MKLN1: variants seen among roughly 807,000 people sequenced by gnomAD.
MKLN1 encodes muskelin.
Under a neutral mutation model 99.0 loss-of-function variants are expected in MKLN1, and 18 were observed. The ratio of observed to expected loss-of-function variants is 0.18; its 90% CI spans 0.13 to 0.27. MKLN1 has a LOEUF of 0.27. Ranked by LOEUF, MKLN1 falls within the 10% of genes least tolerant of loss-of-function variation. The pLI, the probability that MKLN1 is intolerant of heterozygous loss-of-function variation, is 1.00. For missense variants in MKLN1, 621 were observed against 875.9 expected (o/e 0.71, Z 3.67); for synonymous variants, 288 against 293.2 (o/e 0.98, Z 0.18).
chr7:131,155,549 T>A (rs1795950225), intron 2 of MKLN1, among the ~76,000 whole-genome samples: 1 of 152,200 alleles, frequency 6.6e-6, no homozygotes, highest in Admixed American at 6.6e-5. Flanking sequence ...TATGTGAAAC[T>A]TTATTTTCCA....
At chr7:131,296,946 C>T (rs548206243) in intron 3 of MKLN1, among the ~76,000 whole-genome samples, 58 of 152,184 alleles carry the variant, frequency 3.8e-4, no homozygotes, top group African/African-American at 1.3e-3. Context: ...ACTGTGTTGC[C>T]CAGGCTGATC....
At chr7:131,138,021 G>A (rs1795677384) in intron 1 of MKLN1, among the ~76,000 whole-genome samples, 1 of 150,824 alleles carries the variant, frequency 6.6e-6, no homozygotes, top group African/African-American at 2.4e-5. Flanking sequence ...CGCCTCCCGG[G>A]TTCAAGTGAT....
chr7:131,401,141 C>A (rs79668837), intron 6 of MKLN1, among the ~76,000 whole-genome samples: 2,150 of 152,202 alleles, frequency 0.014, 22 homozygotes, highest in Middle Eastern at 0.024. Context: ...CTCTGTCAAG[C>A]TTCTTGTAAT....
chr7:131,123,914 T>C (rs1795415549), intron 1 of MKLN1, among the ~76,000 whole-genome samples: 1 of 152,348 alleles, frequency 6.6e-6, no homozygotes, highest in African/African-American at 2.4e-5. Context: ...TAGTGACTGA[T>C]AAGTTCTGTG....
chr7:131,169,909 G>T (rs2043924), intron 2 of MKLN1, among the ~76,000 whole-genome samples: 136,913 of 152,220 alleles, frequency 0.9, 62,277 homozygotes, highest in East Asian at 0.97. Context: ...TTGTATGCCT[G>T]CTTTGGCTAA....
At chr7:131,353,083 A>C (rs1391238783) in intron 1 of MKLN1, among the ~76,000 whole-genome samples, 1 of 152,136 alleles carries the variant, frequency 6.6e-6, no homozygotes, top group Non-Finnish European at 1.5e-5. Context: ...TAAACATTGG[A>C]GTACAGGTTT....
chr7:131,194,007 T>TTG (rs1554535058), intron 2 of MKLN1, among the ~76,000 whole-genome samples: 55 of 134,988 alleles, frequency 4.1e-4, no homozygotes, highest in African/African-American at 7.6e-4. Context: ...TGTTTTGTTT[T>TTG]TTTTTTTTTT....
intron 3 of MKLN1, among the ~76,000 whole-genome samples, chr7:131,268,403 A>G (rs983763906): frequency 2.0e-5 from 3 of 152,198 alleles, no homozygotes; most frequent in African/African-American, 7.2e-5. Flanking sequence ...TGTTATAAGA[A>G]ATGACCTCCA....
At position 131,367,647 on chromosome 7, in the gene MKLN1, C is replaced by G. The variant is rs184860008; in HGVS notation, c.99-7777C>G. Among the ~76,000 whole-genome samples the G allele has an allele frequency of 1.8e-4, 28 of 152,290 alleles. No individual in the cohort carries two copies. In the East Asian group the frequency reaches 4.6e-3, roughly 25 times the overall value. The stretch of plus-strand genomic sequence containing the variant: ...CATCTGCTTCATTTTTATTATGCTA[C>G]TGACTGCCTTATTTCTCTTTTATTA... On this transcript the variant is annotated intron_variant, in intron 1 of 17. Coordinates refer to ENST00000352689, the MANE Select transcript of MKLN1 (RefSeq NM_013255.5).
intron 3 of MKLN1, among the ~76,000 whole-genome samples, chr7:131,215,685 A>C (rs532181491): frequency 6.6e-6 from 1 of 152,344 alleles, no homozygotes; most frequent in African/African-American, 2.4e-5. Context: ...GATATTCTTC[A>C]TAAACGATTA....
At chr7:131,196,873 G>T (rs1466723640) in intron 2 of MKLN1, among the ~76,000 whole-genome samples, 1 of 152,158 alleles carries the variant, frequency 6.6e-6, no homozygotes, top group African/African-American at 2.4e-5. Context: ...GGTAAGCAAA[G>T]AATTCTATAT....
At chr7:131,460,888 C>T (rs146841175) in intron 12 of MKLN1, among the ~76,000 whole-genome samples, 3 of 152,344 alleles carry the variant, frequency 2.0e-5, no homozygotes, top group African/African-American at 7.2e-5. Flanking sequence ...TTCACTTCTA[C>T]CACTTACGAA....
In MKLN1 at chr7:131,166,719, C is replaced by G. The variant is rs1177470727; in HGVS notation, c.-297+23778C>G. ...TTTGTTTTTGAGACAGAGTTTCGCT[C>G]TTGTTGCCCAGGCTGGAGTGCAGTG... On this transcript the variant is annotated intron_variant, in intron 2 of 7. Coordinates refer to the MKLN1 transcript ENST00000416992. Among the ~76,000 whole-genome samples the G allele has an allele frequency of 2.6e-5, 4 of 152,288 alleles. No homozygotes were observed. The East Asian group carries it at 7.7e-4, about 29-fold the overall frequency.
At chr7:131,349,740 C>A (rs1799665175) in intron 1 of MKLN1, among the ~76,000 whole-genome samples, 1 of 152,154 alleles carries the variant, frequency 6.6e-6, no homozygotes, top group Admixed American at 6.5e-5. Flanking sequence ...AGTGTCTCAG[C>A]AGATAGATTT....
chr7:131,164,317 G>A (rs913901401), intron 2 of MKLN1, among the ~76,000 whole-genome samples: 1 of 152,140 alleles, frequency 6.6e-6, no homozygotes, highest in Non-Finnish European at 1.5e-5. Flanking sequence ...GTCTCACTAT[G>A]TTAGCCAGGC....
intron 3 of MKLN1, among the ~76,000 whole-genome samples, chr7:131,281,556 T>C (rs1798052569): frequency 6.6e-6 from 1 of 152,178 alleles, no homozygotes; most frequent in Admixed American, 6.5e-5. Flanking sequence ...TGTCAATTTC[T>C]GTAAAATAAA....
At chr7:131,145,729 C>T (rs1171298849) in intron 2 of MKLN1, among the ~76,000 whole-genome samples, 1 of 152,146 alleles carries the variant, frequency 6.6e-6, no homozygotes, top group Non-Finnish European at 1.5e-5. Flanking sequence ...TCTGGGTAAT[C>T]CCAAATGGCA....
chr7:131,243,423 G>A (rs1052662316), intron 3 of MKLN1, among the ~76,000 whole-genome samples: 1 of 152,130 alleles, frequency 6.6e-6, no homozygotes, highest in African/African-American at 2.4e-5. Flanking sequence ...AACCTCATGT[G>A]TTACCCGCTT....
At chr7:131,174,041 C>T (rs1016526890) in intron 2 of MKLN1, among the ~76,000 whole-genome samples, 5 of 139,776 alleles carry the variant, frequency 3.6e-5, no homozygotes, top group East Asian at 2.1e-4. Flanking sequence ...TGGCACGATT[C>T]GGCTCACTGC....
Sources: allele counts gnomAD v4.1 joint callset (sites outside exome capture counted in the v4.1 genomes callset), GRCh38; gene constraint gnomAD v4.1.1; transcripts MANE v1.5; gene names NCBI Gene and HGNC (gene_info 2026-07-23, HGNC 2026-07-21).